GALM: variants seen among roughly 807,000 people sequenced by gnomAD.
GALM encodes the protein galactose mutarotase.
In GALM, 43 loss-of-function variants were observed where a neutral mutation model predicts 37.4. That is an observed-to-expected ratio of 1.15 (90% CI 0.90 to 1.48). The LOEUF (loss-of-function observed/expected upper bound fraction) is 1.48, where lower values mean the gene tolerates loss of function less well. Ranked by LOEUF, GALM falls within the 40% of genes most tolerant of loss-of-function variation. GALM has a pLI of 0.00. For missense variants in GALM, 456 were observed against 419.1 expected, an observed-to-expected ratio of 1.09 and a Z score of -0.77; for synonymous variants, 199 against 170.6, an observed-to-expected ratio of 1.17 and a Z score of -1.30.
At chr2:38,686,708 A>G (rs1268754077) in intron 3 of GALM, among the ~76,000 whole-genome samples, 2 of 152,210 alleles carry the variant, frequency 1.3e-5, no homozygotes, top group Admixed American at 1.3e-4. Context: ...GGAATATAAC[A>G]TGGATGATCC....
intron 4 of GALM, among the ~76,000 whole-genome samples, chr2:38,701,247 G>A (rs1665909547): frequency 6.6e-6 from 1 of 152,158 alleles, no homozygotes; most frequent in Non-Finnish European, 1.5e-5. Flanking sequence ...ATTAGGAGGT[G>A]AGCTGGGCAG....
chr2:38,698,510 A>T, intron 4 of GALM: 2 of 718,326 alleles, frequency 2.8e-6, no homozygotes, highest in Non-Finnish European at 4.0e-6. Flanking sequence ...ATTCTTAGCT[A>T]CTTAAAAAAA....
chr2:38,705,516 G>A (rs1179897397), intron 4 of GALM, among the ~76,000 whole-genome samples: 1 of 152,182 alleles, frequency 6.6e-6, no homozygotes, highest in Non-Finnish European at 1.5e-5. Context: ...GGTAGAAAGA[G>A]GATTCTCAAG....
At chr2:38,667,896 A>G (rs901166953) in intron 1 of GALM, among the ~76,000 whole-genome samples, 1 of 152,174 alleles carries the variant, frequency 6.6e-6, no homozygotes, top group African/African-American at 2.4e-5. Flanking sequence ...AGCTGACCAT[A>G]AAGAAATTAA....
rs182459998 is a variant in GALM at position 38,706,693 on chromosome 2, C to G, written c.634+16799C>G. On this transcript the variant is annotated intron_variant, in intron 4 of 6. Transcript: ENST00000272252. The stretch of plus-strand genomic sequence containing the variant: ...AAACAAAGAAATATCACCCCAGCAA[C>G]TGTTCTGGTGGGACTTGACTGGAGA... Among the ~76,000 whole-genome samples the G allele has an allele frequency of 4.7e-4, 71 of 151,698 alleles. No homozygotes were observed. The East Asian group carries it at 0.013, about 27-fold the overall frequency.
In GALM at chr2:38,684,996, G is replaced by A. The variant is rs554871437; in HGVS notation, c.552+3510G>A. ...TCAGTATTTTGGCTTTTGTCTTCAG[G>A]CTTGTCCCCTCATGGCCACAGCTCC... is the stretch of plus-strand genomic sequence containing the variant. On this transcript the variant is annotated intron_variant, in intron 3 of 6. Coordinates refer to ENST00000272252, the MANE Select transcript of GALM (RefSeq NM_138801.3). 2.0e-5 allele frequency among the ~76,000 whole-genome samples: 3 copies of A among 152,142 alleles called. No homozygotes were observed. The East Asian group carries it at 5.8e-4, about 29-fold the overall frequency.
At chr2:38,693,345 T>G (rs1432516242) in intron 4 of GALM, among the ~76,000 whole-genome samples, 1 of 151,922 alleles carries the variant, frequency 6.6e-6, no homozygotes, top group Non-Finnish European at 1.5e-5. Context: ...TAGCTGGGTG[T>G]GATGGTAGGC....
chr2:38,730,533 G>A (rs1666585804), intron 5 of GALM, among the ~76,000 whole-genome samples: 1 of 152,114 alleles, frequency 6.6e-6, no homozygotes, highest in African/African-American at 2.4e-5. Context: ...CCAAAGTGCT[G>A]GGATTACAGG....
chr2:38,682,389 C>T (rs1572516167), intron 3 of GALM: 3 of 291,632 alleles, frequency 1.0e-5, no homozygotes, highest in East Asian at 8.0e-5. Context: ...GATTTTCTAC[C>T]GCAAGATGGT....
In GALM at chr2:38,733,520, TG is replaced by T. The variant is rs768194641; in HGVS notation, c.985del (p.Glu329ArgfsTer18). ...RFPPVLLRPGEEYDHTTWFKF... is the reference protein window; with the variant it reads ...RFPPVLLRPGXEYDHTTWFKF... ...TCCCTCCTGTGCTGCTGAGGCCTGG[TG>T]AGGAGTATGACCACACCACCTGGTT... is the stretch of plus-strand genomic sequence containing the variant. On this transcript the variant is annotated frameshift_variant, in exon 7 of 7. Transcript: ENST00000272252. LOFTEE classifies it high-confidence loss of function. The T allele has an allele frequency of 6.6e-5, 106 of 1,613,976 alleles. No individual in the cohort carries two copies. In the Admixed American group the frequency reaches 1.4e-3, roughly 21 times the overall value.
At chr2:38,674,962 G>A (rs905842326) in intron 1 of GALM, among the ~76,000 whole-genome samples, 2 of 152,128 alleles carry the variant, frequency 1.3e-5, no homozygotes, top group Non-Finnish European at 2.9e-5. Flanking sequence ...ATCACCTGAG[G>A]TCAGGAGTTC....
intron 4 of GALM, among the ~76,000 whole-genome samples, chr2:38,709,048 G>C (rs913835963): frequency 6.6e-6 from 1 of 152,144 alleles, no homozygotes; most frequent in Non-Finnish European, 1.5e-5. Context: ...TCAGAGAGGA[G>C]GAGCAGGAGG....
At chr2:38,689,974 G>A (rs1558583808) in intron 4 of GALM, 80 bp downstream of exon 4, 1 of 765,656 alleles carries the variant, frequency 1.3e-6, no homozygotes. Flanking sequence ...AGTGGAGAAA[G>A]CGGTGAAATC....
intron 3 of GALM, among the ~76,000 whole-genome samples, chr2:38,685,728 A>AT (rs1045130373): frequency 7.2e-6 from 1 of 139,838 alleles, no homozygotes; most frequent in African/African-American, 2.8e-5. Flanking sequence ...TTTATTTTTT[A>AT]TTTTTTTGAG....
intron 4 of GALM, among the ~76,000 whole-genome samples, chr2:38,702,594 G>A (rs1665941516): frequency 1.3e-5 from 2 of 152,000 alleles, no homozygotes. Context: ...TCTTGCTTAT[G>A]GTTTTTGTAA....
At chr2:38,711,162 C>T (rs1385078916) in intron 4 of GALM, among the ~76,000 whole-genome samples, 3 of 135,618 alleles carry the variant, frequency 2.2e-5, no homozygotes, top group Non-Finnish European at 4.7e-5. Context: ...TACAGATAGC[C>T]TTTTTTTTTT....
At chr2:38,681,068 G>A (rs1390943110) in intron 2 of GALM, among the ~76,000 whole-genome samples, 1 of 151,772 alleles carries the variant, frequency 6.6e-6, no homozygotes, top group Non-Finnish European at 1.5e-5. Context: ...GGAGGTGGAG[G>A]TTGCAGAGCC....
chr2:38,673,702 C>T (rs577559778), intron 1 of GALM, among the ~76,000 whole-genome samples: 8 of 150,328 alleles, frequency 5.3e-5, no homozygotes, highest in African/African-American at 1.2e-4. Flanking sequence ...CCCAGCTACT[C>T]GGGAGGCTGA....
intron 1 of GALM, chr2:38,669,638 A>C (rs1438311081): frequency 1.3e-5 from 2 of 151,840 alleles, no homozygotes; most frequent in African/African-American, 2.4e-5. Flanking sequence ...TAATCCCAGC[A>C]CTCTGGGTGG....
Sources: gnomAD v4.1 joint callset for allele counts (sites outside exome capture counted in the v4.1 genomes callset) on GRCh38, gnomAD v4.1.1 for gene constraint, MANE v1.5 for transcripts, NCBI Gene and HGNC (gene_info 2026-07-23, HGNC 2026-07-21) for gene names.